Variants in CHRNA7 observed in about 807,000 individuals in gnomAD.
CHRNA7 encodes the protein cholinergic receptor nicotinic alpha 7 subunit.
In CHRNA7, 17 loss-of-function variants were observed where a neutral mutation model predicts 48.0. That is an observed-to-expected ratio of 0.35 (90% CI 0.24 to 0.53). CHRNA7 has a LOEUF of 0.53. Among genes scored for constraint, CHRNA7 ranks in the 20% least tolerant of loss-of-function variants. The pLI is 0.92. For missense variants in CHRNA7, 155 were observed against 577.7 expected (o/e 0.27, Z 7.50); for synonymous variants, 75 against 242.3 (o/e 0.31, Z 6.41).
intron 4 of CHRNA7, among the ~76,000 whole-genome samples, chr15:32,135,507 TC>T (rs2051239377): frequency 6.6e-6 from 1 of 152,202 alleles, no homozygotes; most frequent in Non-Finnish European, 1.5e-5. Context: ...ACTGAGAACT[TC>T]CGCATCTATC....
chr15:32,050,678 G>A (rs1402726875), intron 2 of CHRNA7, among the ~76,000 whole-genome samples: 7 of 152,260 alleles, frequency 4.6e-5, no homozygotes, highest in East Asian at 1.9e-4. Context: ...GCTTTGTTCC[G>A]TTGTTGGTGA....
chr15:32,130,544 A>T lies in CHRNA7; in HGVS notation c.350+18645A>T, dbSNP rs563911011. Among the ~76,000 whole-genome samples, 164 of 149,622 alleles carry T rather than the reference A, an allele frequency of 1.1e-3. 2 individuals are homozygous for T. The South Asian group carries it at 0.033, about 30-fold the overall frequency. ...GTATGTGTGTCTGTGATATATATAT[A>T]TTATATATATATATTCTTCGTTTTT... On this transcript the variant is annotated intron_variant, in intron 4 of 9. Coordinates refer to ENST00000306901, the MANE Select transcript of CHRNA7 (RefSeq NM_000746.6).
chr15:32,138,518 G>A (rs371647908), intron 4 of CHRNA7, among the ~76,000 whole-genome samples: 9 of 146,400 alleles, frequency 6.1e-5, no homozygotes, highest in African/African-American at 2.0e-4. Flanking sequence ...TAGATGAACT[G>A]ATGCAGACAC....
rs767515800 is a variant in CHRNA7, at chr15:32,030,551, C to G, written c.-44C>G. 33 of 1,444,332 alleles carry G rather than the reference C, an allele frequency of 2.3e-5. No individual in the cohort carries two copies. The highest frequency in any genetic ancestry group is 2.8e-5 in the Non-Finnish European group (31 of 1,104,466). The allele number at this position is 1,444,332 out of a possible 1,614,324, so 89.5% of individuals were successfully genotyped here. ...CGCAGGCGCAGGCCCGGGCGACAGC[C>G]GAGACGTGGAGCGCGCCGGCTCGCT... On this transcript the variant is annotated 5_prime_UTR_variant, in exon 1 of 10. Transcript: ENST00000306901.
chr15:32,131,773 T>G (rs1259529605), intron 4 of CHRNA7, among the ~76,000 whole-genome samples: 1 of 152,214 alleles, frequency 6.6e-6, no homozygotes, highest in Non-Finnish European at 1.5e-5. Flanking sequence ...TGGGTATTAT[T>G]GTTTGAGACT....
intron 4 of CHRNA7, among the ~76,000 whole-genome samples, chr15:32,137,313 T>C (rs543246148): frequency 1.1e-3 from 145 of 128,806 alleles, no homozygotes; most frequent in African/African-American, 4.0e-3. Context: ...AAAAATAAAA[T>C]GTGAGTGGCT....
chr15:32,139,263 T>G (rs1242219913), intron 4 of CHRNA7, among the ~76,000 whole-genome samples: 1 of 152,242 alleles, frequency 6.6e-6, no homozygotes, highest in African/African-American at 2.4e-5. Context: ...AGTTTATCCA[T>G]TTCACCTACT....
At chr15:32,126,565 A>G (rs1165251778) in intron 4 of CHRNA7, among the ~76,000 whole-genome samples, 1 of 152,126 alleles carries the variant, frequency 6.6e-6, no homozygotes, top group Non-Finnish European at 1.5e-5. Context: ...GCTAAATTTC[A>G]TTTTATATAT....
chr15:32,113,228 A>G (rs1016789284), intron 4 of CHRNA7, among the ~76,000 whole-genome samples: 1 of 152,154 alleles, frequency 6.6e-6, no homozygotes, highest in Non-Finnish European at 1.5e-5. Context: ...GATGGCTGCC[A>G]TCTCACTGGG....
intron 3 of CHRNA7, among the ~76,000 whole-genome samples, chr15:32,105,261 A>T (rs990262094): frequency 6.6e-6 from 1 of 152,204 alleles, no homozygotes; most frequent in Non-Finnish European, 1.5e-5. Flanking sequence ...GGACCCAGAA[A>T]TACATAACCC....
At chr15:32,070,487 A>AT (rs1375782331) in intron 2 of CHRNA7, among the ~76,000 whole-genome samples, 1 of 151,948 alleles carries the variant, frequency 6.6e-6, no homozygotes, top group African/African-American at 2.4e-5. Flanking sequence ...ATACAGTCTA[A>AT]TTTTATTTTT....
At chr15:32,065,727 C>T (rs540990846) in intron 2 of CHRNA7, among the ~76,000 whole-genome samples, 259 of 151,498 alleles carry the variant, frequency 1.7e-3, no homozygotes, top group African/African-American at 5.9e-3. Context: ...TGGCTGTGTG[C>T]GGAAGGTGTG....
chr15:32,030,695 G>T, intron 1 of CHRNA7, 46 bp downstream of exon 1: 1 of 1,548,702 alleles, frequency 6.5e-7, no homozygotes, highest in Non-Finnish European at 8.7e-7. Context: ...TGGGATCCCG[G>T]GCACATCCCG....
At chr15:32,142,561 G>T (rs1437407308) in intron 4 of CHRNA7, among the ~76,000 whole-genome samples, 1 of 152,108 alleles carries the variant, frequency 6.6e-6, no homozygotes, top group Non-Finnish European at 1.5e-5. Context: ...ACTTTTTTGG[G>T]TTGGTAGGCT....
chr15:32,133,539 T>C (rs1049317144), intron 4 of CHRNA7, among the ~76,000 whole-genome samples: 4 of 152,150 alleles, frequency 2.6e-5, no homozygotes, highest in Non-Finnish European at 5.9e-5. Flanking sequence ...GGGTTGGAAC[T>C]GAGAAGGCCA....
In CHRNA7 at chr15:32,169,216, C is replaced by CA. The variant is rs1350547833; in HGVS notation, c.*759dup. 6.7e-6 allele frequency: 1 copy of CA among 148,192 alleles called. No homozygotes were observed. The highest frequency in any genetic ancestry group is 1.5e-5 in the Non-Finnish European group (1 of 65,492). The allele number at this position is 148,192 out of a possible 1,614,324, so 9.2% of individuals were successfully genotyped here. On this transcript the variant is annotated 3_prime_UTR_variant, in exon 10 of 10. Transcript: ENST00000306901. The stretch of plus-strand genomic sequence containing the variant: ...CCAGATAACTCCTAGGTGCTGCTCT[C>CA]AGACACTGAGGAGTTGAGCAAATCT...
At chr15:32,133,902 G>A (rs1418570594) in intron 4 of CHRNA7, among the ~76,000 whole-genome samples, 1 of 152,166 alleles carries the variant, frequency 6.6e-6, no homozygotes, top group East Asian at 1.9e-4. Flanking sequence ...ACACAGGTTG[G>A]GGATTCATTC....
At chr15:32,073,457 T>A (rs910504845) in intron 2 of CHRNA7, among the ~76,000 whole-genome samples, 2 of 152,242 alleles carry the variant, frequency 1.3e-5, no homozygotes, top group African/African-American at 4.8e-5. Flanking sequence ...TTGATTGAGT[T>A]AATGCTGGAA....
intron 4 of CHRNA7, among the ~76,000 whole-genome samples, chr15:32,136,803 G>A (rs1171364316): frequency 2.0e-5 from 3 of 151,860 alleles, no homozygotes; most frequent in East Asian, 3.9e-4. Context: ...AGGCCGGGGC[G>A]GGCGGATCAC....
Sources: allele counts gnomAD v4.1 joint callset (sites outside exome capture counted in the v4.1 genomes callset), GRCh38; gene constraint gnomAD v4.1.1; transcripts MANE v1.5; gene names NCBI Gene and HGNC (gene_info 2026-07-23, HGNC 2026-07-21).